LRP1B: variants seen among roughly 807,000 people sequenced by gnomAD.
LRP1B encodes the protein LDL receptor related protein 1B, also known as low-density lipoprotein receptor-related protein 1B.
LRP1B carries 217 observed loss-of-function variants against 556.6 expected under a neutral mutation model. The ratio of observed to expected loss-of-function variants is 0.39; its 90% confidence interval spans 0.35 to 0.44. The LOEUF (loss-of-function observed/expected upper bound fraction) is 0.44, where lower values mean the gene tolerates loss of function less well. Ranked by LOEUF, LRP1B falls within the 20% of genes least tolerant of loss-of-function variation. LRP1B has a pLI of 1.00. For synonymous variants in LRP1B, 2,047 were observed against 1,865.8 expected (o/e 1.10, Z -2.50); for missense variants, 5,053 against 5,620.8 (o/e 0.90, Z 3.23).
chr2:140,916,035 AAAAC>A (rs1422821111), intron 21 of LRP1B, among the ~76,000 whole-genome samples: 1 of 152,168 alleles, frequency 6.6e-6, no homozygotes, highest in African/African-American at 2.4e-5. Context: ...CTCAAGAAAA[AAAAC>A]AAACAAAAAA....
intron 20 of LRP1B, among the ~76,000 whole-genome samples, chr2:140,949,483 G>A (rs1237444565): frequency 1.3e-5 from 2 of 152,128 alleles, no homozygotes; most frequent in Non-Finnish European, 2.9e-5. Context: ...TTGTACTCTA[G>A]AAAGTCAGTC....
intron 29 of LRP1B, among the ~76,000 whole-genome samples, chr2:140,843,108 T>A (rs56373223): frequency 0.061 from 6,905 of 112,766 alleles, 401 homozygotes; most frequent in African/African-American, 0.15. Context: ...TTGTTTTTTT[T>A]TTGGTGGTGG....
rs572239846 is a variant in LRP1B, at chr2:141,052,148, G to A, written c.1553-2926C>T. 7.9e-5 allele frequency among the ~76,000 whole-genome samples: 12 copies of A among 151,856 alleles called. No homozygotes were observed. The East Asian group carries it at 9.7e-4, about 12-fold the overall frequency. ...TAGCATTTCACACATTTTCTTAGAC[G>A]AAATTACAGAATAAAGTACCTTAAC... On this transcript the variant is annotated intron_variant, in intron 10 of 90. Transcript: ENST00000389484.
chr2:141,877,780 T>G (rs1314302814), intron 1 of LRP1B, among the ~76,000 whole-genome samples: 1 of 152,092 alleles, frequency 6.6e-6, no homozygotes, highest in Admixed American at 6.6e-5. Context: ...CAAAGTGGTA[T>G]TCCCATAGAA....
At chr2:141,791,829 G>A (rs1272624260) in intron 2 of LRP1B, among the ~76,000 whole-genome samples, 1 of 151,974 alleles carries the variant, frequency 6.6e-6, no homozygotes, top group Non-Finnish European at 1.5e-5. Context: ...AATTAATTAT[G>A]TTATGTTCCA....
At chr2:141,385,009 C>T (rs1573884617) in intron 3 of LRP1B, among the ~76,000 whole-genome samples, 1 of 152,160 alleles carries the variant, frequency 6.6e-6, no homozygotes, top group Non-Finnish European at 1.5e-5. Context: ...AAACCCTTAT[C>T]CTGTGTCTTT....
At chr2:142,010,081 C>A (rs924311807) in intron 1 of LRP1B, among the ~76,000 whole-genome samples, 3 of 151,976 alleles carry the variant, frequency 2.0e-5, no homozygotes, top group Non-Finnish European at 4.4e-5. Flanking sequence ...CAACTGGGAG[C>A]AATTTTGCCT....
chr2:141,402,742 A>G (rs1182358691), intron 3 of LRP1B, among the ~76,000 whole-genome samples: 1 of 152,106 alleles, frequency 6.6e-6, no homozygotes, highest in Non-Finnish European at 1.5e-5. Context: ...GAGATTGTTC[A>G]CAGATCTTTC....
At chr2:141,571,606 T>C (rs1686532801) in intron 2 of LRP1B, among the ~76,000 whole-genome samples, 1 of 152,094 alleles carries the variant, frequency 6.6e-6, no homozygotes, top group African/African-American at 2.4e-5. Context: ...GAAGAAGGCT[T>C]CAGAATATGG....
At chr2:140,914,016 A>G (rs1251623485) in intron 21 of LRP1B, among the ~76,000 whole-genome samples, 1 of 152,152 alleles carries the variant, frequency 6.6e-6, no homozygotes, top group Non-Finnish European at 1.5e-5. Context: ...CCCCTAATTC[A>G]AGAAGCGTTT....
At chr2:141,389,848 G>A (rs947633650) in intron 3 of LRP1B, among the ~76,000 whole-genome samples, 3 of 152,154 alleles carry the variant, frequency 2.0e-5, no homozygotes, top group African/African-American at 7.2e-5. Context: ...CTTTAAAGTA[G>A]ATGAACACAG....
chr2:141,972,953 A>T (rs1281174669), intron 1 of LRP1B, among the ~76,000 whole-genome samples: 3 of 151,668 alleles, frequency 2.0e-5, no homozygotes, highest in Non-Finnish European at 4.4e-5. Context: ...TGAATGTATC[A>T]AATAATATTT....
At chr2:141,958,372 G>A (rs1392308439) in intron 1 of LRP1B, among the ~76,000 whole-genome samples, 2 of 151,958 alleles carry the variant, frequency 1.3e-5, no homozygotes, top group African/African-American at 2.4e-5. Flanking sequence ...AGGCTATGAA[G>A]TCATTTGCAG....
rs143894133 is a variant in LRP1B, at chr2:140,639,606, A to G, written c.6800-37967T>C. On this transcript the variant is annotated intron_variant, in intron 41 of 90. Coordinates refer to ENST00000389484, the MANE Select transcript of LRP1B (RefSeq NM_018557.3). ...ATTTATGCAGGGTGATGCTTGAGCT[A>G]TGCTAGGTCTAAAAGGTTTCCCTTT... Among the ~76,000 whole-genome samples, 11 of 152,302 alleles carry G rather than the reference A, an allele frequency of 7.2e-5. No individual in the cohort carries two copies. The East Asian group carries it at 1.7e-3, about 24-fold the overall frequency.
intron 32 of LRP1B, among the ~76,000 whole-genome samples, chr2:140,795,553 C>T (rs1479943419): frequency 6.6e-6 from 1 of 151,936 alleles, no homozygotes; most frequent in Non-Finnish European, 1.5e-5. Flanking sequence ...TTTCTTACAC[C>T]ATATCAGATA....
At position 140,536,702 on chromosome 2, in the gene LRP1B, A is replaced by C. The variant is rs779829519; in HGVS notation, c.7521T>G (p.Asn2507Lys). Residue 2507 changes from asparagine (N) to lysine (K), a missense_variant, in exon 46 of 91, where the codon AAT becomes AAG. Around this residue, in one of 5 missense-constraint regions of LRP1B, gnomAD observed 3,619 missense variants for 3,931.9 expected, o/e 0.92. Transcript: ENST00000389484. The stretch of plus-strand genomic sequence containing the variant: ...ACTCCGAATAAGCGTTGCAGGAGGA[A>C]TTTTTAGCTGCAAGAAAAAAAAAAA... ...LLEDNRCVTKNSSCNAYSEFE... is the reference protein window; with the variant it reads ...LLEDNRCVTKKSSCNAYSEFE... 4 of 1,587,176 alleles carry C rather than the reference A, an allele frequency of 2.5e-6. No individual in the cohort carries two copies. Among genetic ancestry groups the C allele is most frequent in the Admixed American group, 1.9e-5 (1 of 53,300 alleles).
At chr2:140,485,235 A>G (rs1486792947) in intron 59 of LRP1B, 108 bp downstream of exon 59, 2 of 705,634 alleles carry the variant, frequency 2.8e-6, no homozygotes, top group African/African-American at 3.7e-5. Context: ...ATTTCTGCAC[A>G]CTTACACGTT....
intron 41 of LRP1B, among the ~76,000 whole-genome samples, chr2:140,629,653 T>C (rs532872751): frequency 3.3e-5 from 5 of 151,998 alleles, no homozygotes; most frequent in Non-Finnish European, 5.9e-5. Flanking sequence ...AAAAACAAAA[T>C]TTTATGACAT....
chr2:140,436,689 GT>G (rs1289216353), intron 66 of LRP1B, among the ~76,000 whole-genome samples: 1 of 149,630 alleles, frequency 6.7e-6, no homozygotes, highest in African/African-American at 2.5e-5. Context: ...TTAACCAGAA[GT>G]TTTTTTCAGG....
Sources: gnomAD v4.1 joint callset for allele counts (sites outside exome capture counted in the v4.1 genomes callset) on GRCh38, gnomAD v4.1.1 for gene constraint, gnomAD v4.1.1 regional missense constraint, MANE v1.5 for transcripts, NCBI Gene and HGNC (gene_info 2026-07-23, HGNC 2026-07-21) for gene names.